LRRC4C: variants seen among roughly 807,000 people sequenced by gnomAD.
LRRC4C encodes leucine-rich repeat-containing protein 4C.
In LRRC4C, 5 loss-of-function variants were observed where a neutral mutation model predicts 33.6. The ratio of observed to expected loss-of-function variants is 0.15; its 90% CI spans 0.08 to 0.31. The LOEUF (loss-of-function observed/expected upper bound fraction) is 0.31. Among genes scored for constraint, LRRC4C ranks in the 10% least tolerant of loss-of-function variants. The pLI, the probability that LRRC4C is intolerant of heterozygous loss-of-function variation, is 1.00. For missense variants in LRRC4C, 560 were observed against 796.7 expected (o/e 0.70, Z 3.58); for synonymous variants, 329 against 302.0 (o/e 1.09, Z -0.93).
At chr11:40,819,295 A>T (rs2135450385) in intron 2 of LRRC4C, among the ~76,000 whole-genome samples, 1 of 152,268 alleles carries the variant, frequency 6.6e-6, no homozygotes, top group Non-Finnish European at 1.5e-5. Flanking sequence ...AACAATCTGG[A>T]AATAAACCAA....
At chr11:40,958,889 C>G (rs576356473) in intron 1 of LRRC4C, among the ~76,000 whole-genome samples, 4 of 151,732 alleles carry the variant, frequency 2.6e-5, no homozygotes, top group African/African-American at 9.6e-5. Flanking sequence ...CACTGCTGGG[C>G]AAGTTCCAAC....
chr11:41,383,170 G>A (rs1953223290), intron 1 of LRRC4C, among the ~76,000 whole-genome samples: 1 of 152,052 alleles, frequency 6.6e-6, no homozygotes, highest in Admixed American at 6.6e-5. Context: ...TGTTGGCAAG[G>A]CCAGTCATCT....
chr11:40,749,655 A>T (rs1323567522), intron 2 of LRRC4C, among the ~76,000 whole-genome samples: 1 of 151,992 alleles, frequency 6.6e-6, no homozygotes, highest in East Asian at 1.9e-4. Flanking sequence ...GACTAAAAAA[A>T]AAAAGGAAAA....
intron 3 of LRRC4C, among the ~76,000 whole-genome samples, chr11:40,596,927 T>A (rs1420671781): frequency 6.6e-6 from 1 of 152,218 alleles, no homozygotes; most frequent in East Asian, 1.9e-4. Flanking sequence ...ACCCATGGAA[T>A]ATTATTGATA....
At chr11:40,398,209 A>C (rs183737230) in intron 3 of LRRC4C, among the ~76,000 whole-genome samples, 11 of 152,240 alleles carry the variant, frequency 7.2e-5, no homozygotes, top group Admixed American at 7.2e-4. Context: ...CAATATGAAG[A>C]GTATGGTACA....
At chr11:40,255,459 C>T (rs1280027924) in intron 4 of LRRC4C, among the ~76,000 whole-genome samples, 2 of 152,178 alleles carry the variant, frequency 1.3e-5, no homozygotes, top group East Asian at 1.9e-4. Context: ...ATATATCTGT[C>T]CCCCTACTCA....
At position 40,316,030 on chromosome 11, in the gene LRRC4C, A is replaced by C. The variant is rs557087284; in HGVS notation, c.-176+3598T>G. Among the ~76,000 whole-genome samples, 3 of 152,136 alleles carry C rather than the reference A, an allele frequency of 2.0e-5. No homozygotes were observed. In the South Asian group the frequency reaches 6.2e-4, roughly 31 times the overall value. On this transcript the variant is annotated intron_variant, in intron 4 of 6. Coordinates refer to ENST00000528697, the MANE Select transcript of LRRC4C (RefSeq NM_001258419.2). ...TCTATTAGCAAGATCTCTATGAATT[A>C]GATCTAATAACTATTTTAGCCACTA... is the stretch of plus-strand genomic sequence containing the variant.
At chr11:41,291,350 T>A (rs1949987792) in intron 1 of LRRC4C, among the ~76,000 whole-genome samples, 1 of 152,150 alleles carries the variant, frequency 6.6e-6, no homozygotes, top group African/African-American at 2.4e-5. Context: ...TACAAATACA[T>A]ATGCCCTTAC....
intron 3 of LRRC4C, among the ~76,000 whole-genome samples, chr11:40,626,280 G>A (rs1307009087): frequency 4.6e-5 from 7 of 151,798 alleles, no homozygotes; most frequent in Admixed American, 3.9e-4. Context: ...TCTTCTCAGG[G>A]ACAATTTTCC....
intron 5 of LRRC4C, among the ~76,000 whole-genome samples, chr11:40,177,271 A>G (rs1860586044): frequency 6.6e-6 from 1 of 152,056 alleles, no homozygotes; most frequent in African/African-American, 2.4e-5. Context: ...TCTTTTTTCA[A>G]CAAAATGATG....
At chr11:41,209,578 G>A (rs1247149184) in intron 1 of LRRC4C, among the ~76,000 whole-genome samples, 3 of 151,388 alleles carry the variant, frequency 2.0e-5, no homozygotes, top group Non-Finnish European at 2.9e-5. Context: ...CTGGGAGGCT[G>A]AGGTTGCAGT....
chr11:40,559,130 A>C (rs1227305340), intron 3 of LRRC4C, among the ~76,000 whole-genome samples: 1 of 149,036 alleles, frequency 6.7e-6, no homozygotes, highest in African/African-American at 2.5e-5. Flanking sequence ...GGTTGATTCA[A>C]TTTGTTTGCT....
At chr11:40,680,751 G>A (rs1944646098) in intron 2 of LRRC4C, among the ~76,000 whole-genome samples, 1 of 152,150 alleles carries the variant, frequency 6.6e-6, no homozygotes, top group Non-Finnish European at 1.5e-5. Flanking sequence ...CCCAATCTCA[G>A]GTATGTCTTT....
chr11:40,899,152 T>C (rs1956099365), intron 2 of LRRC4C, among the ~76,000 whole-genome samples: 1 of 152,168 alleles, frequency 6.6e-6, no homozygotes, highest in Non-Finnish European at 1.5e-5. Context: ...ATTCCAAGTA[T>C]TGCCATTTAT....
In LRRC4C at chr11:41,080,342, CTTTTT is replaced by C. The variant is rs71060997; in HGVS notation, c.-495-146624_-495-146620del. On this transcript the variant is annotated intron_variant, in intron 1 of 6. Transcript: ENST00000528697. ...TTGACCCAAATGTCAGAGTCTCCTC[CTTTTT>C]TTTTTTTTTTTTTTTTTGTTTGAGA... Among the ~76,000 whole-genome samples, 8 of 103,460 alleles carry C rather than the reference CTTTTT, an allele frequency of 7.7e-5. No homozygotes were observed. The East Asian group carries it at 1.6e-3, about 21-fold the overall frequency. The allele number at this position is 103,460 out of a possible 152,430, so 67.9% of individuals were successfully genotyped here.
intron 2 of LRRC4C, among the ~76,000 whole-genome samples, chr11:40,913,545 G>A (rs1956793994): frequency 6.6e-6 from 1 of 151,968 alleles, no homozygotes; most frequent in Non-Finnish European, 1.5e-5. Flanking sequence ...CACATTCAAA[G>A]CAGTGTGTAG....
At chr11:40,354,075 C>T (rs1330787010) in intron 3 of LRRC4C, among the ~76,000 whole-genome samples, 1 of 152,192 alleles carries the variant, frequency 6.6e-6, no homozygotes, top group East Asian at 1.9e-4. Context: ...CATAAGGGGA[C>T]ATCCTAAATC....
chr11:40,848,256 A>T (rs1953296277), intron 2 of LRRC4C, among the ~76,000 whole-genome samples: 1 of 151,822 alleles, frequency 6.6e-6, no homozygotes, highest in East Asian at 1.9e-4. Context: ...TCGATTTTAG[A>T]TCTTTCCTGC....
rs578240280 is a variant in LRRC4C at position 40,268,753 on chromosome 11, A to G, written c.-175-27155T>C. On this transcript the variant is annotated intron_variant, in intron 4 of 6. Transcript: ENST00000528697. ...GATTCTGTTTAGCATGTACTTCAGC[A>G]TCACTTGTGGAGCTTTTGAAAACAT... is the stretch of plus-strand genomic sequence containing the variant. 7.2e-5 allele frequency among the ~76,000 whole-genome samples: 11 copies of G among 152,292 alleles called. 1 individual carries two copies. In the South Asian group the frequency reaches 2.1e-3, roughly 29 times the overall value.
Sources: gnomAD v4.1 joint callset for allele counts (sites outside exome capture counted in the v4.1 genomes callset) on GRCh38, gnomAD v4.1.1 for gene constraint, MANE v1.5 for transcripts, NCBI Gene and HGNC (gene_info 2026-07-23, HGNC 2026-07-21) for gene names.